TRAIP: variants seen among roughly 807,000 people sequenced by gnomAD.
The protein encoded by TRAIP is E3 ubiquitin-protein ligase TRAIP.
TRAIP carries 37 observed loss-of-function variants against 65.0 expected under a neutral mutation model. That is an observed-to-expected ratio of 0.57 (90% CI 0.44 to 0.75). The LOEUF is 0.75. Among genes scored for constraint, TRAIP ranks in the 30% least tolerant of loss-of-function variants. The probability of loss-of-function intolerance (pLI) is 0.00; values close to 1 mark genes in which losing one functional copy is unlikely to be tolerated. For missense variants in TRAIP, 481 were observed against 579.4 expected, an observed-to-expected ratio of 0.83 and a Z score of 1.74; for synonymous variants, 187 against 219.1, an observed-to-expected ratio of 0.85 and a Z score of 1.29.
intron 3 of TRAIP, among the ~76,000 whole-genome samples, chr3:49,844,830 G>C (rs2081868483): frequency 1.3e-5 from 2 of 152,260 alleles, no homozygotes; most frequent in Non-Finnish European, 2.9e-5. Context: ...GACAGGTAAA[G>C]AGGTAGAATA....
chr3:49,833,799 ATTC>A (rs1223773138), intron 10 of TRAIP, among the ~76,000 whole-genome samples: 2 of 151,920 alleles, frequency 1.3e-5, no homozygotes, highest in African/African-American at 4.8e-5. Flanking sequence ...CTGTTTCTAT[ATTC>A]TTCTTCCTTC....
intron 11 of TRAIP, among the ~76,000 whole-genome samples, chr3:49,830,480 T>C (rs2081721894): frequency 6.6e-6 from 1 of 152,256 alleles, no homozygotes; most frequent in East Asian, 1.9e-4. Context: ...GGCCTAGTCC[T>C]GTCTTCCCAG....
chr3:49,836,031 T>C (rs2081783992), intron 10 of TRAIP, among the ~76,000 whole-genome samples: 1 of 151,782 alleles, frequency 6.6e-6, no homozygotes, highest in African/African-American at 2.4e-5. Context: ...AGCACGATTC[T>C]GGCTCACTGC....
intron 10 of TRAIP, among the ~76,000 whole-genome samples, chr3:49,835,598 C>T (rs1024000928): frequency 3.3e-5 from 5 of 152,018 alleles, no homozygotes; most frequent in African/African-American, 9.7e-5. Context: ...ATAAAAAATA[C>T]TGCTGCAGTA....
In TRAIP at chr3:49,844,527, T is replaced by C. The variant is rs2081866440; in HGVS notation, c.280+14A>G. The C allele has an allele frequency of 3.1e-6, 5 of 1,613,550 alleles. No individual in the cohort carries two copies. In the South Asian group the frequency reaches 5.5e-5, roughly 18 times the overall value. On this transcript the variant is annotated intron_variant, in intron 4 of 14. Coordinates refer to ENST00000331456, the MANE Select transcript of TRAIP (RefSeq NM_005879.3). Reference sequence around the variant, plus strand: ...CAGGGGCTTCCCAGCACCCCTCGTCTCTTGCTAACTCACCTTTCTGGGAAA... The same window carrying C: ...CAGGGGCTTCCCAGCACCCCTCGTCCCTTGCTAACTCACCTTTCTGGGAAA...
intron 14 of TRAIP, 56 bp downstream of exon 14, chr3:49,829,402 A>G (rs1308562394): frequency 6.2e-7 from 1 of 1,613,454 alleles, no homozygotes. Flanking sequence ...GGTATAGGTG[A>G]GGCATAGTAT....
In TRAIP at chr3:49,841,910, G is replaced by C; in HGVS notation, c.533C>G (p.Pro178Arg). ...QIELLLQSQR[P>R]EVEEMIRDMG... ...GTCTCGGATCATCTCCTCCACCTCAGGGCGCTGGCTCTGGAGTAGAAGCTC... is the reference window on the plus strand; with the variant it reads ...GTCTCGGATCATCTCCTCCACCTCACGGCGCTGGCTCTGGAGTAGAAGCTC... Residue 178 changes from proline (P) to arginine (R), a missense_variant, in exon 7 of 15, where the codon CCT (proline) becomes CGT (arginine). Transcript: ENST00000331456. The C allele has an allele frequency of 6.2e-7, 1 of 1,614,222 alleles. No homozygotes were observed. The highest frequency in any genetic ancestry group is 8.5e-7 in the Non-Finnish European group (1 of 1,180,030).
intron 10 of TRAIP, 60 bp from the exon 11 acceptor site, chr3:49,832,128 C>G (rs544011253): frequency 6.8e-7 from 1 of 1,473,358 alleles, no homozygotes; most frequent in Non-Finnish European, 9.0e-7. Context: ...ACAACAGCTC[C>G]TGAAGCATCA....
In TRAIP at chr3:49,850,368, G is replaced by A. The variant is rs890325700; in HGVS notation, c.99-2168C>T. On this transcript the variant is annotated intron_variant, in intron 1 of 14. Transcript: ENST00000331456. ...AGAAAAATTAGCCGGGTGTGGTGGC[G>A]CACGCCTGTAATCCCAGCTACTTGG... is the stretch of plus-strand genomic sequence containing the variant. 5.9e-5 allele frequency among the ~76,000 whole-genome samples: 9 copies of A among 151,702 alleles called. No homozygotes were observed. The East Asian group carries it at 7.9e-4, about 13-fold the overall frequency.
rs893922471 is a variant in TRAIP, at chr3:49,832,706, G to A, written c.885-638C>T. Among the ~76,000 whole-genome samples, 4 of 131,944 alleles carry A rather than the reference G, an allele frequency of 3.0e-5. No individual in the cohort carries two copies. In the East Asian group the frequency reaches 6.8e-4, roughly 23 times the overall value. The allele number at this position is 131,944 out of a possible 152,430, so 86.6% of individuals were successfully genotyped here. ...TGTTTTTACTTTTATAACACGGGGG[G>A]GGGGGGGGGGTGGGGGGTGGGGAGT... On this transcript the variant is annotated intron_variant, in intron 10 of 14. Transcript: ENST00000331456.
intron 5 of TRAIP, 143 bp from the exon 6 acceptor site, chr3:49,842,690 G>C: frequency 4.2e-6 from 3 of 719,804 alleles, no homozygotes; most frequent in Non-Finnish European, 4.6e-6. Flanking sequence ...ACCCCAGGAG[G>C]TAAAGCTCCT....
intron 1 of TRAIP, among the ~76,000 whole-genome samples, chr3:49,850,396 G>A (rs1027293964): frequency 1.3e-5 from 2 of 151,704 alleles, no homozygotes; most frequent in Non-Finnish European, 2.9e-5. Context: ...CTACTTGGGA[G>A]ACTAAGGCAG....
Position 49,839,859 on chromosome 3 carries a change from C to G in TRAIP, c.797G>C (p.Ser266Thr). 1 of 1,614,190 alleles carries G rather than the reference C, an allele frequency of 6.2e-7. No homozygotes were observed. The highest frequency in any genetic ancestry group is 8.5e-7 in the Non-Finnish European group (1 of 1,180,020). ...CAGCATCGTTAGCTTCTTTTTCAGG[C>G]TCTTGGGGAGGGAAAGAAAAGTGTG... ...DLQSADKEIMSLKKKLTMLQE... is the reference protein window; with the variant it reads ...DLQSADKEIMTLKKKLTMLQE... The change falls in exon 10 of 15, where the codon AGC becomes ACC. Residue 266 changes from serine (S) to threonine (T), a missense_variant and splice_region_variant. Transcript: ENST00000331456.
intron 10 of TRAIP, among the ~76,000 whole-genome samples, chr3:49,835,135 G>C (rs549204166): frequency 2.6e-5 from 4 of 152,310 alleles, no homozygotes; most frequent in East Asian, 3.9e-4. Flanking sequence ...TTGAACCCAG[G>C]GGGTGGAGGT....
intron 10 of TRAIP, among the ~76,000 whole-genome samples, chr3:49,836,962 T>C (rs1299488423): frequency 6.8e-6 from 1 of 146,354 alleles, no homozygotes; most frequent in Admixed American, 6.8e-5. Context: ...CTTTTTTTTT[T>C]TTTTTTTTTT....
Position 49,844,595 on chromosome 3 carries a change from C to A in TRAIP, c.241-15G>T. The A allele has an allele frequency of 6.2e-7, 1 of 1,613,928 alleles. No individual in the cohort carries two copies. The highest frequency in any genetic ancestry group is 8.5e-7 in the Non-Finnish European group (1 of 1,179,966). On this transcript the variant is annotated splice_polypyrimidine_tract_variant and intron_variant, in intron 3 of 14. Transcript: ENST00000331456. ...TCCAGTTCATTCTGAAAGGCAATAC[C>A]CACAATAAGCAGCAGGAAAGCATCA...
At chr3:49,844,086 C>A in intron 4 of TRAIP, 158 bp from the exon 5 acceptor site, 1 of 995,618 alleles carries the variant, frequency 1.0e-6, no homozygotes, top group Non-Finnish European at 1.4e-6. Flanking sequence ...TGGGATGTGC[C>A]AAACCAGAGA....
At chr3:49,849,235 C>T (rs1354271314) in intron 1 of TRAIP, among the ~76,000 whole-genome samples, 1 of 151,934 alleles carries the variant, frequency 6.6e-6, no homozygotes, top group African/African-American at 2.4e-5. Context: ...GGTCTCAACT[C>T]CTGAGCTTAA....
At position 49,831,899 on chromosome 3, in the gene TRAIP, C is replaced by A; in HGVS notation, c.1037+17G>T. The A allele has an allele frequency of 6.5e-7, 1 of 1,543,428 alleles. No homozygotes were observed. On this transcript the variant is annotated intron_variant, in intron 11 of 14. Transcript: ENST00000331456. ...CCCCCTACCAGCCCATGGACAGTGC[C>A]AGCGACTATCACTCACTGTGACTTC...
Sources: gnomAD v4.1 joint callset for allele counts (sites outside exome capture counted in the v4.1 genomes callset) on GRCh38, gnomAD v4.1.1 for gene constraint, MANE v1.5 for transcripts, NCBI Gene and HGNC (gene_info 2026-07-23, HGNC 2026-07-21) for gene names.